Variants in UEVLD observed in about 807,000 individuals in gnomAD.
UEVLD encodes the protein UEV and lactate/malate dehyrogenase domains.
UEVLD carries 47 observed loss-of-function variants against 58.6 expected under a neutral mutation model. The observed-to-expected ratio is 0.80, with a 90% CI of 0.63 to 1.02. The LOEUF (loss-of-function observed/expected upper bound fraction) is 1.02, where lower values mean the gene tolerates loss of function less well. UEVLD is among the 50% of genes least tolerant of loss of function. UEVLD has a pLI of 0.00. For missense variants in UEVLD, 510 were observed against 550.6 expected (o/e 0.93, Z 0.74); for synonymous variants, 197 against 195.3 (o/e 1.01, Z -0.07).
In UEVLD at chr11:18,566,400, G is replaced by A. The variant is rs1182809449; in HGVS notation, c.440C>T (p.Ser147Phe). ...CAAGTCTACCTGCCGTGCCTCATCAGATGATGATAGAGAATACATGGGAAG... is the reference window on the plus strand; with the variant it reads ...CAAGTCTACCTGCCGTGCCTCATCAAATGATGATAGAGAATACATGGGAAG... ...EELPMYSLSS[S>F]DEARQVDLLA... Residue 147 changes from serine to phenylalanine, a missense_variant, in exon 5 of 12, where the codon TCT (serine) becomes TTT (phenylalanine). Ser to Phe is a radical substitution (Grantham distance 155, BLOSUM62 -2). Coordinates refer to ENST00000396197, the MANE Select transcript of UEVLD (RefSeq NM_001040697.4). 1 of 1,614,074 alleles carries A rather than the reference G, an allele frequency of 6.2e-7. No individual in the cohort carries two copies. Among genetic ancestry groups the A allele is most frequent in the Non-Finnish European group, 8.5e-7 (1 of 1,179,986 alleles).
chr11:18,550,284 A>G (rs546956057), intron 7 of UEVLD, among the ~76,000 whole-genome samples: 26 of 152,310 alleles, frequency 1.7e-4, no homozygotes, highest in Admixed American at 1.6e-3. Context: ...CACAGCACCC[A>G]GCTCAGTATT....
At chr11:18,535,346 A>G (rs1408026883) in intron 10 of UEVLD, among the ~76,000 whole-genome samples, 1 of 152,196 alleles carries the variant, frequency 6.6e-6, no homozygotes, top group Non-Finnish European at 1.5e-5. Context: ...TATTTTATAG[A>G]TATCTGCAGT....
chr11:18,534,998 G>C (rs1036039687), intron 10 of UEVLD, among the ~76,000 whole-genome samples: 1 of 152,160 alleles, frequency 6.6e-6, no homozygotes, highest in Non-Finnish European at 1.5e-5. Flanking sequence ...ACTACCAAGC[G>C]TAGTACCATG....
chr11:18,577,739 G>A (rs1208406551), intron 2 of UEVLD, among the ~76,000 whole-genome samples: 2 of 152,046 alleles, frequency 1.3e-5, no homozygotes, highest in Non-Finnish European at 2.9e-5. Flanking sequence ...GGGCATGGTG[G>A]TGGGTGCCTG....
rs569423793 is a variant in UEVLD, at chr11:18,569,958, G to A, written c.357+256C>T. ...GCTCCTCCTGTACTTTCTCAAGTGG[G>A]AAACGACTATAAAAAGACAGGGAGC... On this transcript the variant is annotated intron_variant, in intron 4 of 11. Transcript: ENST00000396197. The A allele has an allele frequency of 1.2e-4, 31 of 259,666 alleles. 1 individual carries two copies. The South Asian group carries it at 2.7e-3, about 22-fold the overall frequency. 16.1% of individuals were successfully genotyped at this position (259,666 alleles called of 1,614,324 possible).
intron 7 of UEVLD, among the ~76,000 whole-genome samples, chr11:18,550,576 TCCCAGAAGAA>T (rs1018403017): frequency 1.3e-5 from 2 of 152,120 alleles, no homozygotes; most frequent in African/African-American, 4.8e-5. Context: ...ATCTCTCCAA[TCCCAGAAGAA>T]CCAGCAACTA....
In UEVLD at chr11:18,554,130, C is replaced by A. The variant is rs180969768; in HGVS notation, c.715+4098G>T. Among the ~76,000 whole-genome samples the A allele has an allele frequency of 1.0e-3, 156 of 152,128 alleles. 1 individual carries two copies. Among genetic ancestry groups the A allele is most frequent in the African/African-American group, 3.6e-3 (148 of 41,512 alleles). The stretch of plus-strand genomic sequence containing the variant: ...TTGAGACGGAGTTTCGCTCTTGTTG[C>A]CCCCAGGATGGAGTGCAATGGCACG... On this transcript the variant is annotated intron_variant, in intron 7 of 11. Coordinates refer to ENST00000396197, the MANE Select transcript of UEVLD (RefSeq NM_001040697.4).
At chr11:18,572,228 T>A (rs1385390326) in intron 3 of UEVLD, among the ~76,000 whole-genome samples, 1 of 151,804 alleles carries the variant, frequency 6.6e-6, no homozygotes, top group Non-Finnish European at 1.5e-5. Context: ...AGTGCGAGAC[T>A]CCGTCTCAAA....
intron 1 of UEVLD, among the ~76,000 whole-genome samples, chr11:18,583,657 C>CTTTTTTTTTT (rs35384688): frequency 8.5e-6 from 1 of 117,286 alleles, no homozygotes; most frequent in Non-Finnish European, 1.7e-5. Flanking sequence ...TCCAGTATTA[C>CTTTTTTTTTT]TTTTTTTTTT....
chr11:18,576,718 C>T (rs1852931290), intron 2 of UEVLD, among the ~76,000 whole-genome samples: 1 of 152,054 alleles, frequency 6.6e-6, no homozygotes, highest in East Asian at 1.9e-4. Flanking sequence ...CTCATCTGAT[C>T]TTGTGGCCCC....
intron 9 of UEVLD, among the ~76,000 whole-genome samples, chr11:18,537,265 A>G (rs772579232): frequency 4.4e-4 from 66 of 150,944 alleles, no homozygotes; most frequent in Non-Finnish European, 7.5e-4. Context: ...CATTTACAAA[A>G]ACAATTCAAA....
chr11:18,561,856 G>A (rs1311416462), intron 6 of UEVLD, among the ~76,000 whole-genome samples: 3 of 150,342 alleles, frequency 2.0e-5, no homozygotes, highest in African/African-American at 7.4e-5. Context: ...AAAAGTTTGC[G>A]CCACTGCACT....
chr11:18,579,333 A>T (rs1181759571), intron 1 of UEVLD: 3 of 449,810 alleles, frequency 6.7e-6, no homozygotes, highest in Non-Finnish European at 8.8e-6. Flanking sequence ...GAATCAAAGT[A>T]ACTTGCTGAG....
intron 8 of UEVLD, among the ~76,000 whole-genome samples, chr11:18,545,074 A>ATTT (rs773948158): frequency 5.9e-4 from 50 of 84,552 alleles, no homozygotes; most frequent in Admixed American, 1.5e-3. Context: ...CTATATCTAT[A>ATTT]TTTTTTTTTT....
Position 18,578,808 on chromosome 11 carries a change from A to T in UEVLD, c.43T>A (p.Tyr15Asn). The change falls in exon 2 of 12, where the codon TAC becomes AAC. Residue 15 changes from tyrosine to asparagine, a missense_variant and splice_region_variant. Coordinates refer to ENST00000396197, the MANE Select transcript of UEVLD (RefSeq NM_001040697.4). Reference protein sequence around the residue: ...CEGLRRLLGKYKFRDLTVEEL... With the variant: ...CEGLRRLLGKNKFRDLTVEEL... Reference sequence around the variant, plus strand: ...TCCACAGTTAGGTCCCTGAACTTGTACTGAAAAGAGAAAAATAAGCATGGA... The same window carrying T: ...TCCACAGTTAGGTCCCTGAACTTGTTCTGAAAAGAGAAAAATAAGCATGGA... 1 of 1,581,378 alleles carries T rather than the reference A, an allele frequency of 6.3e-7. No individual in the cohort carries two copies. The highest frequency in any genetic ancestry group is 1.9e-5 in the Admixed American group (1 of 51,350).
At chr11:18,552,941 G>A (rs1209095857) in intron 7 of UEVLD, among the ~76,000 whole-genome samples, 1 of 151,818 alleles carries the variant, frequency 6.6e-6, no homozygotes, top group African/African-American at 2.4e-5. Flanking sequence ...GGATCACGAG[G>A]TCAGCAGATC....
chr11:18,586,439 A>T (rs1853566332), intron 1 of UEVLD, among the ~76,000 whole-genome samples: 1 of 151,642 alleles, frequency 6.6e-6, no homozygotes, highest in Non-Finnish European at 1.5e-5. Flanking sequence ...CCGATCTCGA[A>T]CTCCTGGCCG....
intron 8 of UEVLD, 149 bp from the exon 9 acceptor site, chr11:18,544,945 CATATAT>C (rs1253694530): frequency 2.2e-6 from 1 of 448,490 alleles, no homozygotes; most frequent in Non-Finnish European, 3.8e-6. Flanking sequence ...CACATATATA[CATATAT>C]ATACTATATA....
intron 7 of UEVLD, among the ~76,000 whole-genome samples, chr11:18,550,240 A>C (rs1851469710): frequency 6.6e-6 from 1 of 152,190 alleles, no homozygotes. Context: ...CTCCAGCCTC[A>C]GCCTGCCAAG....
Sources: allele counts gnomAD v4.1 joint callset (sites outside exome capture counted in the v4.1 genomes callset), GRCh38; gene constraint gnomAD v4.1.1; transcripts MANE v1.5; gene names NCBI Gene and HGNC (gene_info 2026-07-23, HGNC 2026-07-21).